Variants in DYNC2H1 observed in about 807,000 individuals in gnomAD.
DYNC2H1 encodes dynein cytoplasmic 2 heavy chain 1, also known as cytoplasmic dynein 2 heavy chain 1.
DYNC2H1 carries 410 observed loss-of-function variants against 570.0 expected under a neutral mutation model. The ratio of observed to expected loss-of-function variants is 0.72; its 90% CI spans 0.66 to 0.78. DYNC2H1 has a LOEUF of 0.78. DYNC2H1 is among the 30% of genes least tolerant of loss of function. DYNC2H1 has a pLI of 0.00. For missense variants in DYNC2H1, 4,865 were observed against 5,046.4 expected, an observed-to-expected ratio of 0.96 and a Z score of 1.09; for synonymous variants, 1,688 against 1,677.6, an observed-to-expected ratio of 1.01 and a Z score of -0.15.
rs764411454 is a variant in DYNC2H1 at position 103,158,834 on chromosome 11, A to G, written c.4260+25A>G. 3.0e-5 allele frequency: 44 copies of G among 1,457,676 alleles called. No individual in the cohort carries two copies. In the South Asian group the frequency reaches 5.5e-4, roughly 18 times the overall value. The allele number at this position is 1,457,676 out of a possible 1,614,324, so 90.3% of individuals were successfully genotyped here. On this transcript the variant is annotated intron_variant, in intron 27 of 88. Coordinates refer to ENST00000375735, the MANE Select transcript of DYNC2H1 (RefSeq NM_001377.3). ...GGCATGTTTTTTAAGAAAAAAATAT[A>G]TAATAAATTGTAAAGTACTTGATAT...
intron 82 of DYNC2H1, among the ~76,000 whole-genome samples, chr11:103,327,403 G>C (rs1207444905): frequency 3.3e-5 from 5 of 151,682 alleles, no homozygotes; most frequent in African/African-American, 1.2e-4. Flanking sequence ...AAGCAAATAA[G>C]GTTAATATAA....
At chr11:103,408,618 AG>A (rs1370752304) in intron 84 of DYNC2H1, among the ~76,000 whole-genome samples, 1 of 152,076 alleles carries the variant, frequency 6.6e-6, no homozygotes, top group East Asian at 1.9e-4. Flanking sequence ...CAGATCACAT[AG>A]GACTTTAATT....
intron 29 of DYNC2H1, among the ~76,000 whole-genome samples, chr11:103,161,990 T>A (rs1486736728): frequency 6.6e-6 from 1 of 152,234 alleles, no homozygotes; most frequent in Non-Finnish European, 1.5e-5. Flanking sequence ...TTATTGGATA[T>A]TGAGTACATA....
rs1862854899 is a variant in DYNC2H1 at position 103,204,683 on chromosome 11, A to G, written c.8312-139A>G. ...AAGTGTTCTTTTAACTAAAATAAAA[A>G]TCATAACATAATATTGTTTTATATT... On this transcript the variant is annotated intron_variant, in intron 51 of 88. Coordinates refer to ENST00000375735, the MANE Select transcript of DYNC2H1 (RefSeq NM_001377.3). This position sits in a 1 kb window ranked among gnomAD's most constrained non-coding sequence, Gnocchi z 4.1. The G allele has an allele frequency of 3.7e-6, 2 of 538,494 alleles. No homozygotes were observed. The highest frequency in any genetic ancestry group is 6.0e-6 in the Non-Finnish European group (2 of 330,926). 33.4% of individuals were successfully genotyped at this position (538,494 alleles called of 1,614,324 possible). A position where few individuals can be genotyped will look rare whatever the true frequency, so the allele number is the denominator to read the frequency against.
intron 75 of DYNC2H1, among the ~76,000 whole-genome samples, chr11:103,297,547 G>A (rs12275108): frequency 0.035 from 5,286 of 152,132 alleles, 318 homozygotes; most frequent in African/African-American, 0.12. Context: ...CTACAAACCC[G>A]TGCAGCATGT....
Position 103,125,186 on chromosome 11 carries a change from T to C in DYNC2H1, c.1748T>C (p.Leu583Pro), listed in dbSNP as rs1234649311. Reference protein sequence around the residue: ...VHYSDRLVILLREVRQLSALG... With the variant: ...VHYSDRLVILPREVRQLSALG... ...TATTCAGATCGTTTGGTGATTCTTC[T>C]GAGAGAAGTTCGTCAGCTCTCTGCA... Residue 583 changes from leucine to proline, a missense_variant, in exon 12 of 89, where the codon CTG (leucine) becomes CCG (proline). Leu to Pro is a moderately conservative substitution (Grantham distance 98). Coordinates refer to ENST00000375735, the MANE Select transcript of DYNC2H1 (RefSeq NM_001377.3). 3.1e-6 allele frequency: 5 copies of C among 1,613,710 alleles called. No homozygotes were observed. Among genetic ancestry groups the C allele is most frequent in the African/African-American group, 1.3e-5 (1 of 75,046 alleles).
chr11:103,126,031 T>C (rs1858978739), intron 12 of DYNC2H1, among the ~76,000 whole-genome samples: 1 of 152,236 alleles, frequency 6.6e-6, no homozygotes, highest in Non-Finnish European at 1.5e-5. Flanking sequence ...ATAATACTGC[T>C]CATATTGTGT....
At chr11:103,328,993 T>C (rs1402327649) in intron 82 of DYNC2H1, among the ~76,000 whole-genome samples, 1 of 152,122 alleles carries the variant, frequency 6.6e-6, no homozygotes, top group African/African-American at 2.4e-5. Flanking sequence ...CCATAAAATA[T>C]CTATTTGGAA....
rs665317 is a variant in DYNC2H1 at position 103,245,637 on chromosome 11, C to T, written c.10042+263C>T. 0.4 allele frequency among the ~76,000 whole-genome samples: 60,912 copies of T among 151,868 alleles called. 12,502 individuals are homozygous for T. The highest frequency in any genetic ancestry group is 0.47 in the African/African-American group (19,547 of 41,450). ...CCTAGCACATTACAAAATTCTAGAC[C>T]CCCTGAAGGAAAGCAGGTGTAGCAT... On this transcript the variant is annotated intron_variant, in intron 65 of 88. Transcript: ENST00000375735. This position sits in a 1 kb window ranked among gnomAD's most constrained non-coding sequence, Gnocchi z 4.5.
chr11:103,459,733 A>G (rs979520242), intron 87 of DYNC2H1, among the ~76,000 whole-genome samples: 10 of 151,258 alleles, frequency 6.6e-5, no homozygotes, highest in African/African-American at 2.4e-4. Context: ...CGGGTGGATC[A>G]TGAGGTCAGG....
intron 85 of DYNC2H1, among the ~76,000 whole-genome samples, chr11:103,454,647 T>G (rs1373947986): frequency 6.6e-6 from 1 of 152,186 alleles, no homozygotes; most frequent in Non-Finnish European, 1.5e-5. Context: ...ATGGCAATTT[T>G]TAAAAAATGC....
In DYNC2H1 at chr11:103,321,028, G is replaced by A. The variant is rs1938157903; in HGVS notation, c.11726-1G>A. ...TAATGAGTGTTTTTTTAAAATTATA[G>A]GTGCCAAAGATGTACAATGGGAATT... On this transcript the variant is annotated splice_acceptor_variant, in intron 80 of 88. Coordinates refer to ENST00000375735, the MANE Select transcript of DYNC2H1 (RefSeq NM_001377.3). LOFTEE classifies it high-confidence loss of function. The A allele has an allele frequency of 1.3e-6, 2 of 1,591,916 alleles. No homozygotes were observed. The highest frequency in any genetic ancestry group is 1.7e-6 in the Non-Finnish European group (2 of 1,171,046).
In DYNC2H1 at chr11:103,147,897, C is replaced by T. The variant is rs774578694; in HGVS notation, c.2818+10C>T. 20 of 1,533,832 alleles carry T rather than the reference C, an allele frequency of 1.3e-5. No homozygotes were observed. The South Asian group carries it at 1.9e-4, about 14-fold the overall frequency. On this transcript the variant is annotated intron_variant, in intron 19 of 88. Coordinates refer to ENST00000375735, the MANE Select transcript of DYNC2H1 (RefSeq NM_001377.3). ...AAGAAGTCCATACAGGGTAAATACA[C>T]ATTTTAATTTTTATTTTTACTTAAT...
At chr11:103,455,377 G>A in intron 86 of DYNC2H1, 82 bp downstream of exon 86, 1 of 1,008,598 alleles carries the variant, frequency 9.9e-7, no homozygotes, top group Non-Finnish European at 1.5e-6. Context: ...CACTGCCCTT[G>A]ATTGTCAAGA....
chr11:103,404,047 T>G (rs1189842175), intron 84 of DYNC2H1: 1 of 151,924 alleles, frequency 6.6e-6, no homozygotes, highest in Non-Finnish European at 1.5e-5. Flanking sequence ...AGGGAAATAA[T>G]ATATAGGACC....
At chr11:103,211,256 TG>T (rs1370736702) in intron 53 of DYNC2H1, among the ~76,000 whole-genome samples, 1 of 151,992 alleles carries the variant, frequency 6.6e-6, no homozygotes, top group East Asian at 1.9e-4. Flanking sequence ...TTTCATTCAC[TG>T]GGGCAGGGAA....
At chr11:103,398,899 G>A (rs908928853) in intron 83 of DYNC2H1, among the ~76,000 whole-genome samples, 13 of 152,010 alleles carry the variant, frequency 8.6e-5, no homozygotes, top group East Asian at 3.9e-4. Context: ...ACAAGATTTC[G>A]TTTTTCGTTT....
chr11:103,168,992 A>G (rs749924962), intron 32 of DYNC2H1, 32 bp downstream of exon 32: 27 of 1,514,660 alleles, frequency 1.8e-5, no homozygotes, highest in South Asian at 1.4e-4. Context: ...TATATTTCCA[A>G]TTAGAAATTA....
chr11:103,221,802 G>C (rs1290589357), intron 57 of DYNC2H1, among the ~76,000 whole-genome samples: 2 of 152,162 alleles, frequency 1.3e-5, no homozygotes, highest in Non-Finnish European at 2.9e-5. Flanking sequence ...ATTGCAGTGA[G>C]CTGAGATTGT....
Sources: allele counts gnomAD v4.1 joint callset (sites outside exome capture counted in the v4.1 genomes callset), GRCh38; gene constraint gnomAD v4.1.1; non-coding constraint Gnocchi (gnomAD v3.1); transcripts MANE v1.5; gene names NCBI Gene and HGNC (gene_info 2026-07-23, HGNC 2026-07-21).